ATAD2: variants seen among roughly 807,000 people sequenced by gnomAD.
The protein encoded by ATAD2 is ATPase family AAA domain containing 2.
A neutral mutation model predicts 168.9 loss-of-function variants in ATAD2; 62 were observed. That is an observed-to-expected ratio of 0.37 (90% CI 0.30 to 0.45). The LOEUF (loss-of-function observed/expected upper bound fraction) is 0.45. Among genes scored for constraint, ATAD2 ranks in the 20% least tolerant of loss-of-function variants. ATAD2 has a pLI of 1.00. For missense variants in ATAD2, 1,419 were observed against 1,667.8 expected, an observed-to-expected ratio of 0.85 and a Z score of 2.60; for synonymous variants, 613 against 571.6, an observed-to-expected ratio of 1.07 and a Z score of -1.03.
chr8:123,409,135 T>C (rs776272868), intron 1 of ATAD2, among the ~76,000 whole-genome samples: 18 of 152,124 alleles, frequency 1.2e-4, no homozygotes, highest in Non-Finnish European at 2.4e-4. Context: ...GATATATTCT[T>C]ATAATGTGGT....
At chr8:123,372,823 G>T in intron 2 of ATAD2, 137 bp from the exon 3 acceptor site, 1 of 612,348 alleles carries the variant, frequency 1.6e-6, no homozygotes, top group Non-Finnish European at 2.6e-6. Flanking sequence ...AAACTGCTGG[G>T]CTCAAGCAAT....
intron 1 of ATAD2, among the ~76,000 whole-genome samples, chr8:123,389,975 T>TATATAC (rs1829773798): frequency 8.6e-6 from 1 of 115,742 alleles, no homozygotes; most frequent in Admixed American, 8.5e-5. Context: ...TATATATATA[T>TATATAC]ATATATATAT....
intron 8 of ATAD2, among the ~76,000 whole-genome samples, chr8:123,367,373 C>T (rs919985543): frequency 1.6e-4 from 24 of 152,246 alleles, no homozygotes; most frequent in African/African-American, 5.1e-4. Flanking sequence ...GCCGAGATCG[C>T]GCCACTGCAC....
chr8:123,377,081 G>A, intron 2 of ATAD2, among the ~76,000 whole-genome samples: 2 of 22,762 alleles, frequency 8.8e-5, no homozygotes, highest in African/African-American at 3.6e-4. Flanking sequence ...AAAAGAGTGA[G>A]ACTCCGTCTC....
In ATAD2 at chr8:123,328,596, G is replaced by A. The variant is rs1827680833; in HGVS notation, c.3479-17C>T. On this transcript the variant is annotated splice_polypyrimidine_tract_variant and intron_variant, in intron 24 of 27. Coordinates refer to ENST00000287394, the MANE Select transcript of ATAD2 (RefSeq NM_014109.4). ...TCAACTGAGCTTCAAGAAATTTAAA[G>A]AAAAATGATGAAAGAACATTCAACC... 12 of 1,488,360 alleles carry A rather than the reference G, an allele frequency of 8.1e-6. No homozygotes were observed. The highest frequency in any genetic ancestry group is 2.8e-5 in the African/African-American group (2 of 70,744). The allele number at this position is 1,488,360 out of a possible 1,614,324, so 92.2% of individuals were successfully genotyped here.
Position 123,402,924 on chromosome 8 carries a change from T to C in ATAD2, c.-2281-1749A>G, listed in dbSNP as rs1813025510. ...TGCGTCTGAGATAAGGCCTGGAAAC[T>C]TGGATTTCTTTCAGGAAGTCTCCTG... On this transcript the variant is annotated intron_variant, in intron 1 of 28. Coordinates refer to the ATAD2 transcript ENST00000521903. This position sits in a 1 kb window ranked among gnomAD's most constrained non-coding sequence, Gnocchi z 4.8. Among the ~76,000 whole-genome samples the C allele has an allele frequency of 6.6e-6, 1 of 152,144 alleles. No individual in the cohort carries two copies.
intron 2 of ATAD2, among the ~76,000 whole-genome samples, chr8:123,377,741 T>C (rs1029469561): frequency 1.3e-5 from 2 of 152,208 alleles, no homozygotes; most frequent in Non-Finnish European, 2.9e-5. Context: ...TTATTGGAAA[T>C]GTGCCAAACA....
chr8:123,369,894 T>C lies in ATAD2; in HGVS notation c.858A>G (p.Gly286=), dbSNP rs1829090599. 1 of 1,609,770 alleles carries C rather than the reference T, an allele frequency of 6.2e-7. No homozygotes were observed. The highest frequency in any genetic ancestry group is 8.5e-7 in the Non-Finnish European group (1 of 1,178,082). Residue 286 remains glycine, a synonymous_variant, in exon 7 of 28, where the codon GGA becomes GGG. Coordinates refer to ENST00000287394, the MANE Select transcript of ATAD2 (RefSeq NM_014109.4). ...AATATCGCTTCTGATTCTCTTCTTC[T>C]CCATCTTCTTCATCTTCATCATCTT... ...DDEDDEDEED[G]EEENQKRYYL...
At chr8:123,408,286 C>A (rs1266565355) in intron 1 of ATAD2, among the ~76,000 whole-genome samples, 3 of 152,204 alleles carry the variant, frequency 2.0e-5, no homozygotes, top group Non-Finnish European at 4.4e-5. Context: ...AGGGCCCAGC[C>A]TCCTTCTGTG....
At chr8:123,341,878 G>A (rs914224713) in intron 19 of ATAD2, among the ~76,000 whole-genome samples, 1 of 152,168 alleles carries the variant, frequency 6.6e-6, no homozygotes, top group Admixed American at 6.5e-5. Context: ...CCTGAGGTCA[G>A]GAGTTCAAGA....
intron 20 of ATAD2, among the ~76,000 whole-genome samples, chr8:123,338,570 CACA>C (rs1193674105): frequency 6.6e-6 from 1 of 152,036 alleles, no homozygotes; most frequent in East Asian, 1.9e-4. Flanking sequence ...AGAGTCCTGC[CACA>C]ATGAGCTGAC....
intron 1 of ATAD2, among the ~76,000 whole-genome samples, chr8:123,415,367 A>C (rs1813241425): frequency 6.6e-6 from 1 of 152,208 alleles, no homozygotes; most frequent in Admixed American, 6.5e-5. Context: ...TTGACACAGG[A>C]ACTGTGCTCC....
upstream of ATAD2, among the ~76,000 whole-genome samples, chr8:123,397,239 TCAA>T (rs1326091714): frequency 3.1e-3 from 248 of 79,582 alleles, 3 homozygotes; most frequent in Middle Eastern, 0.029. Flanking sequence ...AGACTCTGTC[TCAA>T]AAAAAAAAAA....
At chr8:123,359,185 G>A (rs1828736825) in intron 11 of ATAD2, 36 bp downstream of exon 11, 1 of 1,463,660 alleles carries the variant, frequency 6.8e-7, no homozygotes, top group Non-Finnish European at 9.4e-7. Context: ...GAATAGCAAA[G>A]ATTTTCAGCT....
intron 13 of ATAD2, 26 bp downstream of exon 13, chr8:123,356,363 T>C (rs199510234): frequency 9.1e-5 from 143 of 1,567,554 alleles, no homozygotes; most frequent in African/African-American, 3.1e-4. Flanking sequence ...GGAAGAAACG[T>C]TGAAGTGCCA....
intron 8 of ATAD2, among the ~76,000 whole-genome samples, chr8:123,363,389 T>G (rs1828878543): frequency 6.6e-6 from 1 of 152,218 alleles, no homozygotes; most frequent in South Asian, 2.1e-4. Flanking sequence ...GAGATGTTAA[T>G]GTTGCCACAC....
Position 123,347,213 on chromosome 8 carries a change from A to C in ATAD2, c.2091T>G (p.Pro697=), listed in dbSNP as rs748103473. 6.2e-6 allele frequency: 10 copies of C among 1,614,208 alleles called. No individual in the cohort carries two copies. The highest frequency in any genetic ancestry group is 7.6e-6 in the Non-Finnish European group (9 of 1,180,028). The change falls in exon 16 of 28, where the codon CCT becomes CCG. Residue 697 remains proline (P), a synonymous_variant. Transcript: ENST00000287394. ...TCACAACGGTGGACAGTGCCTGCCC[A>C]GGTGATGTCACAGCTCTTTGGGAGG... The part of the protein sequence containing the change: ...IPASQRAVTS[P]GQALSTVVKP...
chr8:123,356,006 C>G (rs1015500590), intron 13 of ATAD2: 2 of 152,916 alleles, frequency 1.3e-5, no homozygotes, highest in Non-Finnish European at 2.9e-5. Context: ...CAACCTCCGC[C>G]TCCCGGGTTC....
chr8:123,359,166 A>C, intron 11 of ATAD2, 55 bp downstream of exon 11: 1 of 1,338,166 alleles, frequency 7.5e-7, no homozygotes, highest in East Asian at 2.3e-5. Flanking sequence ...TAAGAACTAC[A>C]AGAAGCAAGA....
Sources: allele counts gnomAD v4.1 joint callset (sites outside exome capture counted in the v4.1 genomes callset), GRCh38; gene constraint gnomAD v4.1.1; non-coding constraint Gnocchi (gnomAD v3.1); transcripts MANE v1.5; gene names NCBI Gene and HGNC (gene_info 2026-07-23, HGNC 2026-07-21).